The following CDR2 variants were observed in gnomAD, a reference collection of about 807,000 sequenced individuals.
The protein encoded by CDR2 is cerebellar degeneration related protein 2, also known as cerebellar degeneration-related protein 2.
In CDR2, 34 loss-of-function variants were observed where a neutral mutation model predicts 48.4. That is an observed-to-expected ratio of 0.70 (90% CI 0.53 to 0.94). CDR2 has a LOEUF of 0.94. Among genes scored for constraint, CDR2 ranks in the 40% least tolerant of loss-of-function variants. The pLI is 0.00. For missense variants in CDR2, 498 were observed against 549.5 expected (o/e 0.91, Z 0.94); for synonymous variants, 240 against 219.7 (o/e 1.09, Z -0.82).
intron 2 of CDR2, among the ~76,000 whole-genome samples, 196 bp downstream of exon 2, chr16:22,364,706 T>C (rs2141851763): frequency 6.6e-6 from 1 of 152,162 alleles, no homozygotes; most frequent in Middle Eastern, 3.4e-3. Flanking sequence ...CTACCAAAAA[T>C]ACAAAAATTA....
chr16:22,347,197 G>A lies in CDR2; in HGVS notation c.1133C>T (p.Ala378Val). 6.2e-7 allele frequency: 1 copy of A among 1,614,220 alleles called. No individual in the cohort carries two copies. The highest frequency in any genetic ancestry group is 8.5e-7 in the Non-Finnish European group (1 of 1,180,028). The part of the protein sequence containing the change: ...QEEQDSLSHK[A>V]VQTSRAAAKD... The stretch of plus-strand genomic sequence containing the variant: ...GGCTGCAGCCCTGGAGGTCTGCACA[G>A]CCTTGTGTGACAGGGAGTCCTGTTC... The change falls in exon 5 of 5, where the codon GCT becomes GTT. Residue 378 changes from alanine (A) to valine (V), a missense_variant. Transcript: ENST00000268383.
At chr16:22,367,367 G>A (rs925884272) in intron 1 of CDR2, among the ~76,000 whole-genome samples, 4 of 152,184 alleles carry the variant, frequency 2.6e-5, no homozygotes, top group Non-Finnish European at 5.9e-5. Context: ...AGGAAGGTCT[G>A]ACAAGACCTT....
At chr16:22,369,008 G>A (rs1159107709) in intron 1 of CDR2, 1 of 152,086 alleles carries the variant, frequency 6.6e-6, no homozygotes, top group Non-Finnish European at 1.5e-5. Context: ...AGACCCATAT[G>A]GAAGCTACCA....
intron 4 of CDR2, 54 bp downstream of exon 4, chr16:22,349,225 G>A: frequency 6.4e-7 from 1 of 1,568,946 alleles, no homozygotes; most frequent in Non-Finnish European, 8.7e-7. Context: ...ATCAGAATGT[G>A]CCAATGACAT....
intron 1 of CDR2, among the ~76,000 whole-genome samples, chr16:22,371,347 G>C (rs1218624603): frequency 6.6e-6 from 1 of 152,222 alleles, no homozygotes; most frequent in African/African-American, 2.4e-5. Context: ...TAACAGGACA[G>C]ACCTGCTCCC....
chr16:22,358,763 G>A (rs966200824), intron 2 of CDR2, among the ~76,000 whole-genome samples: 1 of 152,098 alleles, frequency 6.6e-6, no homozygotes, highest in Non-Finnish European at 1.5e-5. Context: ...TATTTCCCCT[G>A]TAGAAATTTG....
At chr16:22,371,852 G>A (rs1433329396) in intron 1 of CDR2, among the ~76,000 whole-genome samples, 2 of 910 alleles carry the variant, frequency 2.2e-3, no homozygotes, top group East Asian at 0.024. Flanking sequence ...TCAGATATGT[G>A]TGTGTGTGTG....
At chr16:22,354,943 T>C (rs1485932353) in intron 2 of CDR2, among the ~76,000 whole-genome samples, 1 of 152,078 alleles carries the variant, frequency 6.6e-6, no homozygotes, top group Non-Finnish European at 1.5e-5. Context: ...CTCAAACATA[T>C]ATACATGCAG....
chr16:22,346,811 C>A lies in CDR2; in HGVS notation c.*154G>T, dbSNP rs1240755464. The stretch of plus-strand genomic sequence containing the variant: ...ATCAGAGAACTGATACCACTAGCCA[C>A]CTCCTTTCCTCGTTGTATGCATTTG... On this transcript the variant is annotated 3_prime_UTR_variant, in exon 5 of 5. Transcript: ENST00000268383. The A allele has an allele frequency of 3.3e-5, 27 of 811,868 alleles. No homozygotes were observed. The highest frequency in any genetic ancestry group is 5.2e-5 in the Non-Finnish European group (26 of 499,964). 50.3% of individuals were successfully genotyped at this position (811,868 alleles called of 1,614,324 possible). A position where few individuals can be genotyped will look rare whatever the true frequency, so the allele number is the denominator to read the frequency against.
chr16:22,360,062 T>C (rs1755430238), intron 2 of CDR2, among the ~76,000 whole-genome samples: 1 of 152,202 alleles, frequency 6.6e-6, no homozygotes, highest in Non-Finnish European at 1.5e-5. Context: ...CCAGACTACT[T>C]TGAGTGCTAG....
chr16:22,356,118 GTATCTA>G (rs2048972733), intron 2 of CDR2, among the ~76,000 whole-genome samples: 3 of 151,976 alleles, frequency 2.0e-5, no homozygotes, highest in Non-Finnish European at 4.4e-5. Flanking sequence ...ATGTTAATAC[GTATCTA>G]TATTACATCA....
intron 1 of CDR2, among the ~76,000 whole-genome samples, chr16:22,365,466 C>G (rs2049039186): frequency 6.6e-6 from 1 of 152,148 alleles, no homozygotes; most frequent in Non-Finnish European, 1.5e-5. Context: ...ATATCCTGGA[C>G]TCCTAAGGGG....
At chr16:22,369,802 G>A (rs1224688681) in intron 1 of CDR2, among the ~76,000 whole-genome samples, 1 of 151,386 alleles carries the variant, frequency 6.6e-6, no homozygotes, top group Admixed American at 6.6e-5. Context: ...ATTAGTGGAG[G>A]GAATAGAATA....
At chr16:22,349,560 C>T (rs2048928624) in intron 3 of CDR2, 117 bp from the exon 4 acceptor site, 1 of 1,397,754 alleles carries the variant, frequency 7.2e-7, no homozygotes, top group East Asian at 2.3e-5. Context: ...GAAAGGATGT[C>T]TATTTAATCT....
In CDR2 at chr16:22,349,752, G is replaced by A; in HGVS notation, c.290C>T (p.Thr97Ile). Residue 97 changes from threonine to isoleucine, a missense_variant, in exon 3 of 5, where the codon ACA becomes ATA. Physicochemically the swap from Thr to Ile is moderately conservative, Grantham distance 89. Coordinates refer to ENST00000268383, the MANE Select transcript of CDR2 (RefSeq NM_001802.2). ...LDVTARELEE[T>I]NQKLVADSKA... is the part of the protein sequence containing the mutation. Reference sequence around the variant, plus strand: ...GCTGTCAGCAACTAGCTTTTGATTTGTTTCTTCCAGTTCCCTTGCTGTGAC... The same window carrying A: ...GCTGTCAGCAACTAGCTTTTGATTTATTTCTTCCAGTTCCCTTGCTGTGAC... 1 of 1,614,030 alleles carries A rather than the reference G, an allele frequency of 6.2e-7. No individual in the cohort carries two copies. Among genetic ancestry groups the A allele is most frequent in the Non-Finnish European group, 8.5e-7 (1 of 1,179,962 alleles).
intron 2 of CDR2, among the ~76,000 whole-genome samples, chr16:22,355,507 T>C (rs1214677225): frequency 6.6e-6 from 1 of 152,202 alleles, no homozygotes; most frequent in Non-Finnish European, 1.5e-5. Context: ...AATTTGACAT[T>C]TCTTTCAAGT....
intron 2 of CDR2, among the ~76,000 whole-genome samples, chr16:22,362,882 T>C (rs2049019091): frequency 6.6e-6 from 1 of 151,410 alleles, no homozygotes; most frequent in South Asian, 2.1e-4. Flanking sequence ...CCACCATGCC[T>C]AGCCTAGTTT....
chr16:22,359,451 T>C (rs920902051), intron 2 of CDR2, among the ~76,000 whole-genome samples: 2 of 152,106 alleles, frequency 1.3e-5, no homozygotes, highest in South Asian at 2.1e-4. Flanking sequence ...AAAACATTGG[T>C]AAACTATGCA....
Position 22,349,303 on chromosome 16 carries a change from A to G in CDR2, c.482T>C (p.Leu161Pro). 6.2e-7 allele frequency: 1 copy of G among 1,614,182 alleles called. No individual in the cohort carries two copies. The highest frequency in any genetic ancestry group is 8.5e-7 in the Non-Finnish European group (1 of 1,180,016). Residue 161 changes from leucine to proline, a missense_variant, in exon 4 of 5, where the codon CTG becomes CCG. Leu to Pro is a moderately conservative substitution (Grantham distance 98). Coordinates refer to ENST00000268383, the MANE Select transcript of CDR2 (RefSeq NM_001802.2). ...QEKPAPSFAC[L>P]KELYDLRQHF... ...CTGGCGGAGGTCATACAGCTCCTTCAGACATGCAAAGCTGGGTGCCGGTTT... is the reference window on the plus strand; with the variant it reads ...CTGGCGGAGGTCATACAGCTCCTTCGGACATGCAAAGCTGGGTGCCGGTTT...
Sources: allele counts gnomAD v4.1 joint callset (sites outside exome capture counted in the v4.1 genomes callset), GRCh38; gene constraint gnomAD v4.1.1; transcripts MANE v1.5; gene names NCBI Gene and HGNC (gene_info 2026-07-23, HGNC 2026-07-21).